DIP2B: variants seen among roughly 807,000 people sequenced by gnomAD.
DIP2B encodes the protein DIP2 acetate--CoA ligase B (putative).
In DIP2B, 76 loss-of-function variants were observed where a neutral mutation model predicts 198.0. The observed-to-expected ratio is 0.38, with a 90% CI of 0.32 to 0.46. The LOEUF (loss-of-function observed/expected upper bound fraction) is 0.46, where lower values mean the gene tolerates loss of function less well. DIP2B is among the 20% of genes least tolerant of loss of function. The pLI is 0.99. For missense variants in DIP2B, 1,559 were observed against 1,978.4 expected (o/e 0.79, Z 4.02); for synonymous variants, 701 against 739.1 (o/e 0.95, Z 0.84).
At chr12:50,602,764 C>G (rs1382064573) in intron 1 of DIP2B, among the ~76,000 whole-genome samples, 1 of 148,020 alleles carries the variant, frequency 6.8e-6, no homozygotes, top group South Asian at 2.1e-4. Flanking sequence ...GAGGCTGAGG[C>G]GGGAGAATCA....
At chr12:50,510,541 C>T (rs986168606) in intron 1 of DIP2B, among the ~76,000 whole-genome samples, 1 of 152,160 alleles carries the variant, frequency 6.6e-6, no homozygotes, top group Admixed American at 6.6e-5. Flanking sequence ...TAGAGTTCTC[C>T]ATGGTTCTCT....
chr12:50,548,845 G>A (rs1555183424), intron 1 of DIP2B, among the ~76,000 whole-genome samples: 1 of 152,148 alleles, frequency 6.6e-6, no homozygotes, highest in Non-Finnish European at 1.5e-5. Context: ...CTTTTAAAGT[G>A]TAAGATACTA....
chr12:50,609,084 G>T (rs1959009098), intron 1 of DIP2B, among the ~76,000 whole-genome samples: 1 of 152,102 alleles, frequency 6.6e-6, no homozygotes, highest in Non-Finnish European at 1.5e-5. Context: ...AGTGAGCCGA[G>T]ATTGTGCCAT....
rs147287033 is a variant in DIP2B, at chr12:50,722,253, G to GTTTATTTTATTTTAT, written c.3166+891_3167-901dup. Among the ~76,000 whole-genome samples the GTTTATTTTATTTTAT allele has an allele frequency of 3.0e-3, 431 of 143,168 alleles. 4 individuals are homozygous for GTTTATTTTATTTTAT. The highest frequency in any genetic ancestry group is 0.011 in the African/African-American group (396 of 37,316). The allele number at this position is 143,168 out of a possible 152,430, so 93.9% of individuals were successfully genotyped here. On this transcript the variant is annotated intron_variant, in intron 26 of 37. Coordinates refer to ENST00000301180, the MANE Select transcript of DIP2B (RefSeq NM_173602.3). ...GTGATTTTTTTTTGTTTGTTTGTTT[G>GTTTATTTTATTTTAT]TTTATTTTATTTTATTTTATTTTAT...
At chr12:50,556,984 A>G (rs1237197514) in intron 1 of DIP2B, among the ~76,000 whole-genome samples, 2 of 152,154 alleles carry the variant, frequency 1.3e-5, no homozygotes, top group African/African-American at 4.8e-5. Context: ...TGCTGTGATT[A>G]CAGGCATGAG....
intron 1 of DIP2B, among the ~76,000 whole-genome samples, chr12:50,620,056 A>G (rs1198540696): frequency 6.6e-6 from 1 of 152,232 alleles, no homozygotes; most frequent in Non-Finnish European, 1.5e-5. Context: ...TTAGAAAAAG[A>G]AAGAAACAGA....
chr12:50,538,153 G>T (rs1406185806), intron 1 of DIP2B, among the ~76,000 whole-genome samples: 1 of 152,128 alleles, frequency 6.6e-6, no homozygotes, highest in Non-Finnish European at 1.5e-5. Flanking sequence ...TTAGATCTCT[G>T]GATGTGTGGA....
intron 1 of DIP2B, among the ~76,000 whole-genome samples, chr12:50,572,231 T>G (rs1008128002): frequency 2.0e-5 from 3 of 152,236 alleles, no homozygotes; most frequent in South Asian, 2.1e-4. Flanking sequence ...TGTGTTGATA[T>G]AAAAATATTA....
At chr12:50,736,512 C>G (rs1040354888) in intron 34 of DIP2B, among the ~76,000 whole-genome samples, 1 of 152,154 alleles carries the variant, frequency 6.6e-6, no homozygotes, top group African/African-American at 2.4e-5. Context: ...CCTTTTCCTT[C>G]CTGAGGAAGA....
intron 10 of DIP2B, among the ~76,000 whole-genome samples, chr12:50,684,706 C>T (rs775952298): frequency 2.6e-5 from 4 of 152,026 alleles, no homozygotes; most frequent in African/African-American, 4.8e-5. Context: ...GCAGGAGAAT[C>T]GCTTGAACCC....
chr12:50,616,404 A>G (rs1937701175), intron 1 of DIP2B, among the ~76,000 whole-genome samples: 1 of 152,228 alleles, frequency 6.6e-6, no homozygotes, highest in Non-Finnish European at 1.5e-5. Flanking sequence ...TTTTATTCCA[A>G]AAAAATTAGA....
intron 12 of DIP2B, among the ~76,000 whole-genome samples, chr12:50,689,728 T>G (rs1012577770): frequency 1.3e-5 from 2 of 151,858 alleles, no homozygotes; most frequent in Non-Finnish European, 2.9e-5. Flanking sequence ...AGAGGCTGGG[T>G]TGAAGATAGA....
intron 5 of DIP2B, among the ~76,000 whole-genome samples, 179 bp downstream of exon 5, chr12:50,671,577 AATAG>A (rs1267768300): frequency 2.6e-5 from 4 of 152,236 alleles, no homozygotes; most frequent in African/African-American, 4.8e-5. Flanking sequence ...TCACAGGAAT[AATAG>A]ATAACACCTG....
At chr12:50,544,062 T>C (rs1958353048) in intron 1 of DIP2B, among the ~76,000 whole-genome samples, 1 of 150,530 alleles carries the variant, frequency 6.6e-6, no homozygotes, top group African/African-American at 2.4e-5. Context: ...ACCTCGTCTC[T>C]ACTAAAATAC....
At chr12:50,588,014 A>G (rs1021668962) in intron 1 of DIP2B, among the ~76,000 whole-genome samples, 5 of 152,214 alleles carry the variant, frequency 3.3e-5, no homozygotes, top group African/African-American at 1.2e-4. Context: ...TGGTATCTAT[A>G]CAATACCAAT....
intron 37 of DIP2B, chr12:50,743,448 C>A (rs939671172): frequency 6.6e-6 from 1 of 152,174 alleles, no homozygotes; most frequent in African/African-American, 2.4e-5. Flanking sequence ...CCCAGTAACA[C>A]CACTCGGTGG....
chr12:50,567,967 A>G (rs920932328), intron 1 of DIP2B, among the ~76,000 whole-genome samples: 2 of 152,142 alleles, frequency 1.3e-5, no homozygotes, highest in African/African-American at 4.8e-5. Context: ...CATATTGAAT[A>G]TTACATTGTG....
At chr12:50,600,894 T>TCACCACCACCACCACCACCAC (rs34616785) in intron 1 of DIP2B, among the ~76,000 whole-genome samples, 11 of 121,580 alleles carry the variant, frequency 9.0e-5, no homozygotes, top group East Asian at 7.7e-4. Flanking sequence ...ATGACCACCA[T>TCACCACCACCACCACCACCAC]CACCACCACC....
At chr12:50,647,318 A>G (rs1938368301) in intron 3 of DIP2B, among the ~76,000 whole-genome samples, 1 of 152,212 alleles carries the variant, frequency 6.6e-6, no homozygotes, top group Admixed American at 6.5e-5. Flanking sequence ...CAGAAGAGGG[A>G]GACGGGAAGG....
Sources: gnomAD v4.1 joint callset for allele counts (sites outside exome capture counted in the v4.1 genomes callset) on GRCh38, gnomAD v4.1.1 for gene constraint, MANE v1.5 for transcripts, NCBI Gene and HGNC (gene_info 2026-07-23, HGNC 2026-07-21) for gene names.